Variants in OPCML observed in about 807,000 individuals in gnomAD.
The protein encoded by OPCML is opioid binding protein/cell adhesion molecule like.
In OPCML, 13 loss-of-function variants were observed where a neutral mutation model predicts 37.8. That is an observed-to-expected ratio of 0.34 (90% CI 0.22 to 0.55). The LOEUF (loss-of-function observed/expected upper bound fraction) is 0.55, where lower values mean the gene tolerates loss of function less well. OPCML is among the 20% of genes least tolerant of loss of function. The probability of loss-of-function intolerance (pLI) is 0.91; values close to 1 mark genes in which losing one functional copy is unlikely to be tolerated. For synonymous variants in OPCML, 176 were observed against 168.8 expected (o/e 1.04, Z -0.33); for missense variants, 341 against 435.6 (o/e 0.78, Z 1.93).
At chr11:133,141,095 G>GAAGAAGAAGAAGA (rs1565469375) in intron 1 of OPCML, among the ~76,000 whole-genome samples, 315 of 12,930 alleles carry the variant, frequency 0.024, 121 homozygotes, top group African/African-American at 0.04. Context: ...GAAGAAGAAG[G>GAAGAAGAAGAAGA]AGAAGAAGAA....
At chr11:132,490,615 G>A (rs1280313999) in intron 4 of OPCML, among the ~76,000 whole-genome samples, 6 of 151,926 alleles carry the variant, frequency 3.9e-5, no homozygotes, top group Non-Finnish European at 8.8e-5. Context: ...TCAGGAGATC[G>A]AGACCAACCT....
chr11:132,563,786 A>G (rs936526989), intron 3 of OPCML, among the ~76,000 whole-genome samples: 1 of 145,716 alleles, frequency 6.9e-6, no homozygotes, highest in Middle Eastern at 3.4e-3. Context: ...ACGTTATTAA[A>G]AAAACAACGA....
chr11:133,373,424 A>AAT (rs57417327), intron 1 of OPCML, among the ~76,000 whole-genome samples: 12,375 of 117,612 alleles, frequency 0.11, 1,549 homozygotes, highest in African/African-American at 0.29. Flanking sequence ...ACTTAATTAA[A>AAT]ATATATATAT....
intron 2 of OPCML, among the ~76,000 whole-genome samples, chr11:132,930,691 A>G (rs995963404): frequency 1.3e-5 from 2 of 152,218 alleles, no homozygotes; most frequent in Non-Finnish European, 2.9e-5. Flanking sequence ...ACATCAAAAC[A>G]TTGTTGAAAT....
intron 1 of OPCML, among the ~76,000 whole-genome samples, chr11:133,328,772 C>T (rs1029811622): frequency 6.6e-6 from 1 of 152,168 alleles, no homozygotes; most frequent in Non-Finnish European, 1.5e-5. Context: ...AAAACTGGCA[C>T]AAGACAGGGA....
At chr11:133,315,773 G>T (rs1943191850) in intron 1 of OPCML, among the ~76,000 whole-genome samples, 1 of 152,144 alleles carries the variant, frequency 6.6e-6, no homozygotes, top group African/African-American at 2.4e-5. Flanking sequence ...ACTCCAGCCT[G>T]GGAGACAAGA....
intron 1 of OPCML, among the ~76,000 whole-genome samples, chr11:133,338,733 C>T (rs1943797564): frequency 6.6e-6 from 1 of 152,152 alleles, no homozygotes; most frequent in African/African-American, 2.4e-5. Context: ...TCCCTATAAT[C>T]TTTGGTTTGA....
At chr11:132,468,284 G>T (rs931650016) in intron 4 of OPCML, among the ~76,000 whole-genome samples, 3 of 152,098 alleles carry the variant, frequency 2.0e-5, no homozygotes, top group Non-Finnish European at 4.4e-5. Flanking sequence ...CCTTCCCTCT[G>T]CAGGCAAACT....
intron 1 of OPCML, among the ~76,000 whole-genome samples, chr11:133,063,925 A>G (rs1387453559): frequency 6.6e-6 from 1 of 152,290 alleles, no homozygotes; most frequent in African/African-American, 2.4e-5. Context: ...GAACGATTTC[A>G]TGGGTGTTTT....
chr11:132,997,621 G>A (rs1946911784), intron 1 of OPCML, among the ~76,000 whole-genome samples: 1 of 152,228 alleles, frequency 6.6e-6, no homozygotes, highest in African/African-American at 2.4e-5. Flanking sequence ...CCCGTGGATG[G>A]TGGTGGGAGG....
chr11:132,993,339 C>T (rs1157460299), intron 1 of OPCML, among the ~76,000 whole-genome samples: 1 of 152,124 alleles, frequency 6.6e-6, no homozygotes, highest in Non-Finnish European at 1.5e-5. Context: ...TTTCTGTCCT[C>T]GGGAGCATAT....
At chr11:133,436,188 A>C (rs907228712) in intron 1 of OPCML, among the ~76,000 whole-genome samples, 3 of 152,202 alleles carry the variant, frequency 2.0e-5, no homozygotes, top group Non-Finnish European at 4.4e-5. Flanking sequence ...ACAACAAAAT[A>C]CTATTTTGCT....
rs536043329 is a variant in OPCML at position 132,416,845 on chromosome 11, C to T, written c.*3348G>A. 6.5e-6 allele frequency: 1 copy of T among 152,696 alleles called. No homozygotes were observed. The highest frequency in any genetic ancestry group is 1.5e-5 in the Non-Finnish European group (1 of 68,002). 9.5% of individuals were successfully genotyped at this position (152,696 alleles called of 1,614,324 possible). On this transcript the variant is annotated 3_prime_UTR_variant, in exon 8 of 8. Coordinates refer to ENST00000524381, the MANE Select transcript of OPCML (RefSeq NM_001012393.5). ...GCAAGAATGAGAAAAACTAAACATG[C>T]TTGTTTAGACTTGCAGTCGACTGTA... is the stretch of plus-strand genomic sequence containing the variant.
chr11:132,707,370 A>T (rs1418354012), intron 2 of OPCML, among the ~76,000 whole-genome samples: 1 of 152,216 alleles, frequency 6.6e-6, no homozygotes, highest in Non-Finnish European at 1.5e-5. Context: ...TATTGCTCTA[A>T]GCAGAAACAT....
chr11:132,726,299 C>A (rs535232350), intron 2 of OPCML, among the ~76,000 whole-genome samples: 41 of 152,158 alleles, frequency 2.7e-4, no homozygotes, highest in Non-Finnish European at 5.6e-4. Context: ...TCACATCTTA[C>A]ATGGATGGCA....
intron 1 of OPCML, among the ~76,000 whole-genome samples, chr11:133,095,715 T>C (rs1233738485): frequency 2.0e-5 from 3 of 149,288 alleles, no homozygotes; most frequent in Non-Finnish European, 4.5e-5. Context: ...CAAAAAAAAA[T>C]CAGAGGAAAA....
intron 1 of OPCML, among the ~76,000 whole-genome samples, chr11:133,523,174 C>G (rs1254967775): frequency 1.3e-5 from 2 of 152,084 alleles, no homozygotes; most frequent in African/African-American, 4.8e-5. Context: ...CTACATTAGA[C>G]CCAGAGAGGG....
In OPCML at chr11:133,212,863, T is replaced by G. The variant is rs1446910277; in HGVS notation, c.62-269853A>C. 1.3e-5 allele frequency among the ~76,000 whole-genome samples: 2 copies of G among 152,204 alleles called. No individual in the cohort carries two copies. Among genetic ancestry groups the G allele is most frequent in the Non-Finnish European group, 2.9e-5 (2 of 68,044 alleles). On this transcript the variant is annotated intron_variant, in intron 1 of 7. Transcript: ENST00000524381. The surrounding 1 kb of genome is among the most constrained non-coding windows in gnomAD (Gnocchi z 4.9). Reference sequence around the variant, plus strand: ...GCACCCTTTGTATGGGTTTCCATACTCTAAAATTCCACGTTTGTATCTGCG... The same window carrying G: ...GCACCCTTTGTATGGGTTTCCATACGCTAAAATTCCACGTTTGTATCTGCG...
chr11:133,495,741 T>C (rs966008494), intron 1 of OPCML, among the ~76,000 whole-genome samples: 1 of 151,408 alleles, frequency 6.6e-6, no homozygotes, highest in Non-Finnish European at 1.5e-5. Context: ...ACCCACCTTT[T>C]GATGGGATTT....
Sources: gnomAD v4.1 joint callset for allele counts (sites outside exome capture counted in the v4.1 genomes callset) on GRCh38, gnomAD v4.1.1 for gene constraint, Gnocchi (gnomAD v3.1) non-coding constraint, MANE v1.5 for transcripts, NCBI Gene and HGNC (gene_info 2026-07-23, HGNC 2026-07-21) for gene names.